RIDA: variants seen among roughly 807,000 people sequenced by gnomAD.
RIDA encodes reactive intermediate imine deaminase A.
Under a neutral mutation model 17.8 loss-of-function variants are expected in RIDA, and 17 were observed. That is an observed-to-expected ratio of 0.96 (90% CI 0.65 to 1.43). The LOEUF is 1.43. RIDA is among the 40% of genes most tolerant of loss of function. RIDA has a pLI of 0.00. For synonymous variants in RIDA, 48 were observed against 55.7 expected, an observed-to-expected ratio of 0.86 and a Z score of 0.62; for missense variants, 158 against 161.7, an observed-to-expected ratio of 0.98 and a Z score of 0.12.
At chr8:98,103,387 CAGTA>C (rs1427985112) in intron 5 of RIDA, among the ~76,000 whole-genome samples, 1 of 152,174 alleles carries the variant, frequency 6.6e-6, no homozygotes, top group African/African-American at 2.4e-5. Flanking sequence ...AAGTGGAAGT[CAGTA>C]AGAGCTGCTT....
At chr8:98,103,369 G>A (rs1411824539) in intron 5 of RIDA, among the ~76,000 whole-genome samples, 1 of 152,170 alleles carries the variant, frequency 6.6e-6, no homozygotes, top group Non-Finnish European at 1.5e-5. Flanking sequence ...TTCTTTAGTA[G>A]AAACTGCAAG....
rs899302132 is a variant in RIDA, at chr8:98,113,441, GT to G, written c.65+3590del. 9.2e-5 allele frequency among the ~76,000 whole-genome samples: 14 copies of G among 152,016 alleles called. No individual in the cohort carries two copies. In the East Asian group the frequency reaches 2.3e-3, roughly 25 times the overall value. ...TAACATAAGTAGTTAGTTGCAGTCT[GT>G]TTTTTTTCTTAAACATTAACTATTG... On this transcript the variant is annotated intron_variant, in intron 1 of 5. Coordinates refer to ENST00000254878, the MANE Select transcript of RIDA (RefSeq NM_005836.3).
intron 1 of RIDA, among the ~76,000 whole-genome samples, chr8:98,116,516 G>C (rs1210590704): frequency 6.6e-6 from 1 of 152,266 alleles, no homozygotes; most frequent in South Asian, 2.1e-4. Context: ...AATCCATGAA[G>C]ATGCAAGTAG....
intron 4 of RIDA, among the ~76,000 whole-genome samples, 199 bp from the exon 5 acceptor site, chr8:98,104,743 T>C (rs1462193681): frequency 1.3e-5 from 2 of 152,168 alleles, no homozygotes; most frequent in Non-Finnish European, 2.9e-5. Context: ...AGAGTCTTGC[T>C]CTATCGCCCA....
intron 2 of RIDA, among the ~76,000 whole-genome samples, chr8:98,107,254 G>C (rs1386726642): frequency 6.6e-6 from 1 of 152,212 alleles, no homozygotes; most frequent in Non-Finnish European, 1.5e-5. Context: ...GCCGGGTGTG[G>C]AGGCTCATGC....
chr8:98,109,605 C>T (rs1245317649), intron 1 of RIDA, among the ~76,000 whole-genome samples: 1 of 152,010 alleles, frequency 6.6e-6, no homozygotes, highest in Non-Finnish European at 1.5e-5. Flanking sequence ...CCAGCAAACT[C>T]TTCTTTTAGA....
At chr8:98,113,981 C>A (rs1815764825) in intron 1 of RIDA, among the ~76,000 whole-genome samples, 2 of 152,096 alleles carry the variant, frequency 1.3e-5, no homozygotes, top group Non-Finnish European at 2.9e-5. Flanking sequence ...CATGTTCCAC[C>A]CTGCTTAAAA....
At chr8:98,104,661 T>G in intron 4 of RIDA, 117 bp from the exon 5 acceptor site, 1 of 655,044 alleles carries the variant, frequency 1.5e-6, no homozygotes, top group South Asian at 1.8e-5. Flanking sequence ...CTACAATTAA[T>G]AATCTGGCAA....
At chr8:98,116,863 C>T (rs545652788) in intron 1 of RIDA, among the ~76,000 whole-genome samples, 169 bp downstream of exon 1, 1 of 152,234 alleles carries the variant, frequency 6.6e-6, no homozygotes, top group African/African-American at 2.4e-5. Context: ...GTGCAGGTTC[C>T]TGGTCCCATC....
intron 5 of RIDA, among the ~76,000 whole-genome samples, chr8:98,103,150 C>T (rs1815583617): frequency 6.6e-6 from 1 of 152,134 alleles, no homozygotes; most frequent in Admixed American, 6.5e-5. Flanking sequence ...GTATTTTCCC[C>T]TCAATTCACA....
In RIDA at chr8:98,103,829, C is replaced by T. The variant is rs190374779; in HGVS notation, c.351+660G>A. Among the ~76,000 whole-genome samples, 37 of 151,826 alleles carry T rather than the reference C, an allele frequency of 2.4e-4. No homozygotes were observed. In the East Asian group the frequency reaches 5.6e-3, roughly 23 times the overall value. On this transcript the variant is annotated intron_variant, in intron 5 of 5. Transcript: ENST00000254878. ...TTTTTTTTTGTATTTTTAGTAGAGACGGGTTTCACCATGTGAGCCAGGATG... is the reference window on the plus strand; with the variant it reads ...TTTTTTTTTGTATTTTTAGTAGAGATGGGTTTCACCATGTGAGCCAGGATG...
chr8:98,110,378 G>A (rs986371676), intron 1 of RIDA, among the ~76,000 whole-genome samples: 1 of 151,076 alleles, frequency 6.6e-6, no homozygotes, highest in African/African-American at 2.4e-5. Context: ...TTCTGCCTCA[G>A]CCTCCCAAGT....
intron 5 of RIDA, 27 bp downstream of exon 5, chr8:98,104,462 T>C (rs773993780): frequency 2.9e-6 from 4 of 1,380,582 alleles, no homozygotes; most frequent in Non-Finnish European, 4.1e-6. Context: ...GAAAACTGTG[T>C]ACATTAGTCA....
intron 4 of RIDA, among the ~76,000 whole-genome samples, chr8:98,105,123 A>C (rs1815615581): frequency 2.0e-5 from 1 of 50,288 alleles, no homozygotes; most frequent in Non-Finnish European, 6.9e-5. Context: ...TTTCTGGCAA[A>C]AAAAAAAAAA....
chr8:98,111,672 T>G (rs1413901069), intron 1 of RIDA, among the ~76,000 whole-genome samples: 2 of 152,050 alleles, frequency 1.3e-5, no homozygotes, highest in African/African-American at 4.8e-5. Flanking sequence ...TTTAAGATAG[T>G]CTCATTTTAA....
rs185750187 is a variant in RIDA at position 98,114,770 on chromosome 8, A to C, written c.65+2262T>G. On this transcript the variant is annotated intron_variant, in intron 1 of 5. Coordinates refer to ENST00000254878, the MANE Select transcript of RIDA (RefSeq NM_005836.3). ...ACTCTGCAAGATCATATAATTAAAA[A>C]GAGGCAAAACAAAAATTCAAATCCA... 2.0e-5 allele frequency among the ~76,000 whole-genome samples: 3 copies of C among 152,366 alleles called. No homozygotes were observed. In the East Asian group the frequency reaches 5.8e-4, roughly 29 times the overall value.
rs887832498 is a variant in RIDA at position 98,104,940 on chromosome 8, A to G, written c.296-396T>C. Among the ~76,000 whole-genome samples the G allele has an allele frequency of 7.2e-5, 11 of 152,054 alleles. No homozygotes were observed. The South Asian group carries it at 2.1e-3, about 29-fold the overall frequency. Reference sequence around the variant, plus strand: ...TGGCCAGACTGGTCTCAAACTCCTAATGTCAAGTGATCCACCCACCTCAGC... The same window carrying G: ...TGGCCAGACTGGTCTCAAACTCCTAGTGTCAAGTGATCCACCCACCTCAGC... On this transcript the variant is annotated intron_variant, in intron 4 of 5. Transcript: ENST00000254878.
chr8:98,104,671 A>G (rs1322289582), intron 4 of RIDA, 127 bp from the exon 5 acceptor site: 1 of 637,880 alleles, frequency 1.6e-6, no homozygotes, highest in Non-Finnish European at 2.7e-6. Context: ...TAATCTGGCA[A>G]ATATTTCATA....
intron 1 of RIDA, 97 bp from the exon 2 acceptor site, chr8:98,108,848 A>T (rs1586215758): frequency 1.0e-4 from 9 of 86,906 alleles, no homozygotes; most frequent in South Asian, 7.2e-4. Context: ...TATAAATTGT[A>T]AAAAAAAAAA....
Sources: allele counts gnomAD v4.1 joint callset (sites outside exome capture counted in the v4.1 genomes callset), GRCh38; gene constraint gnomAD v4.1.1; transcripts MANE v1.5; gene names NCBI Gene and HGNC (gene_info 2026-07-23, HGNC 2026-07-21).